SAXO1: variants seen among roughly 807,000 people sequenced by gnomAD.
SAXO1 encodes the protein 4930500O09Rik.
A neutral mutation model predicts 17.5 loss-of-function variants in SAXO1; 21 were observed. That is an observed-to-expected ratio of 1.20 (90% CI 0.85 to 1.72). The LOEUF is 1.72. Ranked by LOEUF, SAXO1 falls within the 40% of genes most tolerant of loss-of-function variation. The probability of loss-of-function intolerance (pLI) is 0.00; values close to 1 mark genes in which losing one functional copy is unlikely to be tolerated. For synonymous variants in SAXO1, 274 were observed against 216.5 expected (o/e 1.27, Z -2.33); for missense variants, 843 against 596.0 (o/e 1.41, Z -4.32).
chr9:18,960,656 G>C (rs1832447175), intron 1 of SAXO1, among the ~76,000 whole-genome samples: 1 of 152,092 alleles, frequency 6.6e-6, no homozygotes, highest in Non-Finnish European at 1.5e-5. Context: ...GGTGGCATGT[G>C]CCTGTAGTCC....
chr9:18,988,022 G>A (rs568330199), intron 1 of SAXO1, among the ~76,000 whole-genome samples: 1 of 152,272 alleles, frequency 6.6e-6, no homozygotes, highest in African/African-American at 2.4e-5. Flanking sequence ...CCCTTCAAGG[G>A]TAATCCCAAC....
intron 2 of SAXO1, among the ~76,000 whole-genome samples, chr9:18,948,152 T>C (rs1831872172): frequency 6.6e-6 from 1 of 152,180 alleles, no homozygotes; most frequent in African/African-American, 2.4e-5. Context: ...CCTTCCCCTG[T>C]AAGCCTCTAG....
chr9:18,967,383 T>C (rs913131458), intron 1 of SAXO1, among the ~76,000 whole-genome samples: 10 of 145,222 alleles, frequency 6.9e-5, no homozygotes, highest in African/African-American at 2.9e-4. Context: ...CCCAGGGAGA[T>C]GGGAGTTTTA....
At chr9:18,949,614 C>T (rs80019985) in intron 2 of SAXO1, among the ~76,000 whole-genome samples, 2,560 of 152,272 alleles carry the variant, frequency 0.017, 79 homozygotes, top group African/African-American at 0.059. Context: ...CCCCATTACC[C>T]AGACTGGACT....
rs573082156 is a variant in SAXO1, at chr9:18,954,447, C to T, written c.39-3510G>A. 9.2e-5 allele frequency among the ~76,000 whole-genome samples: 14 copies of T among 152,146 alleles called. No individual in the cohort carries two copies. The South Asian group carries it at 1.5e-3, about 16-fold the overall frequency. On this transcript the variant is annotated intron_variant, in intron 1 of 3. Coordinates refer to ENST00000380534, the MANE Select transcript of SAXO1 (RefSeq NM_153707.4). Reference sequence around the variant, plus strand: ...GACCTCCTGGGATCAAGCAATCCTCCCACCTCAGCCTCCCAAGTAGCTGGG... The same window carrying T: ...GACCTCCTGGGATCAAGCAATCCTCTCACCTCAGCCTCCCAAGTAGCTGGG...
chr9:19,023,554 G>C (rs1432206692), intron 1 of SAXO1, among the ~76,000 whole-genome samples: 1 of 152,164 alleles, frequency 6.6e-6, no homozygotes, highest in Non-Finnish European at 1.5e-5. Flanking sequence ...ACCAAGATAG[G>C]CTGGCTCCAC....
intron 1 of SAXO1, among the ~76,000 whole-genome samples, chr9:19,023,130 C>A (rs1480562464): frequency 6.9e-6 from 1 of 143,932 alleles, no homozygotes; most frequent in Non-Finnish European, 1.5e-5. Flanking sequence ...CCCCCAAACA[C>A]CAGATTACAT....
intron 1 of SAXO1, among the ~76,000 whole-genome samples, chr9:19,028,618 T>C (rs1835619788): frequency 6.6e-6 from 1 of 152,196 alleles, no homozygotes; most frequent in African/African-American, 2.4e-5. Flanking sequence ...GCTTTTTTGG[T>C]GCTGATTATG....
chr9:18,956,623 G>C (rs1379688860), intron 1 of SAXO1, among the ~76,000 whole-genome samples: 1 of 152,128 alleles, frequency 6.6e-6, no homozygotes, highest in Non-Finnish European at 1.5e-5. Flanking sequence ...GTGTAACATT[G>C]AGAAAACCAC....
At chr9:18,974,049 TTA>T (rs1249323157) in intron 1 of SAXO1, among the ~76,000 whole-genome samples, 1 of 152,200 alleles carries the variant, frequency 6.6e-6, no homozygotes, top group African/African-American at 2.4e-5. Context: ...CCCTTATGTC[TTA>T]TGTTGGTGGC....
intron 1 of SAXO1, among the ~76,000 whole-genome samples, chr9:19,032,011 T>C (rs1235611670): frequency 6.6e-6 from 1 of 152,156 alleles, no homozygotes; most frequent in African/African-American, 2.4e-5. Context: ...ACATACATGA[T>C]CTTAACTCTT....
intron 1 of SAXO1, among the ~76,000 whole-genome samples, chr9:18,995,382 T>C (rs1183278540): frequency 1.3e-5 from 2 of 152,192 alleles, no homozygotes; most frequent in African/African-American, 4.8e-5. Flanking sequence ...CCTCCTAATT[T>C]TTCCAAGGCT....
intron 3 of SAXO1, among the ~76,000 whole-genome samples, chr9:18,936,546 A>G (rs954210128): frequency 6.6e-6 from 1 of 152,170 alleles, no homozygotes; most frequent in Admixed American, 6.5e-5. Context: ...CTGATACCCA[A>G]CAATATAGTT....
intron 2 of SAXO1, 55 bp from the exon 3 acceptor site, chr9:18,941,894 GT>G: frequency 6.5e-7 from 1 of 1,534,722 alleles, no homozygotes; most frequent in South Asian, 1.1e-5. Context: ...TAAGGCTTAT[GT>G]TTTCTGCTCA....
intron 1 of SAXO1, among the ~76,000 whole-genome samples, chr9:18,952,132 G>A (rs1008696305): frequency 2.0e-5 from 3 of 152,156 alleles, no homozygotes; most frequent in Non-Finnish European, 4.4e-5. Context: ...CTAAGTGAAG[G>A]CATTTTATCA....
intron 1 of SAXO1, among the ~76,000 whole-genome samples, chr9:18,967,661 C>T (rs564833522): frequency 1.4e-4 from 21 of 152,302 alleles, no homozygotes; most frequent in Admixed American, 6.5e-4. Context: ...TTCAAGCCAG[C>T]GGATCTTAGC....
At chr9:18,938,838 G>C (rs867238366) in intron 3 of SAXO1, among the ~76,000 whole-genome samples, 1 of 151,064 alleles carries the variant, frequency 6.6e-6, no homozygotes, top group Non-Finnish European at 1.5e-5. Flanking sequence ...GTGTGTGTGT[G>C]TGTGTGTGTG....
rs1490171350 is a variant in SAXO1 at position 19,046,677 on chromosome 9, G to C, written c.-158+2532C>G. 4.0e-5 allele frequency among the ~76,000 whole-genome samples: 6 copies of C among 151,458 alleles called. No homozygotes were observed. The East Asian group carries it at 7.7e-4, about 20-fold the overall frequency. The stretch of plus-strand genomic sequence containing the variant: ...AGATCATGCCATTGCACTCCAGCCT[G>C]GGCAACAAGAGCAAAACTTCGTCTC... On this transcript the variant is annotated intron_variant, in intron 1 of 3. Coordinates refer to the SAXO1 transcript ENST00000542071.
intron 2 of SAXO1, among the ~76,000 whole-genome samples, chr9:18,945,092 A>G (rs10963855): frequency 0.081 from 12,269 of 152,022 alleles, 821 homozygotes; most frequent in African/African-American, 0.19. Context: ...TCCCATCTTT[A>G]AAGGTAAAGA....
Sources: allele counts gnomAD v4.1 joint callset (sites outside exome capture counted in the v4.1 genomes callset), GRCh38; gene constraint gnomAD v4.1.1; transcripts MANE v1.5; gene names NCBI Gene and HGNC (gene_info 2026-07-23, HGNC 2026-07-21).